The following NOL9 variants were observed in gnomAD, a reference collection of about 807,000 sequenced individuals.
NOL9 encodes the protein polynucleotide 5'-hydroxyl-kinase NOL9.
Under a neutral mutation model 67.9 loss-of-function variants are expected in NOL9, and 28 were observed. The observed-to-expected ratio is 0.41, with a 90% CI of 0.31 to 0.57. The LOEUF (loss-of-function observed/expected upper bound fraction) is 0.57, where lower values mean the gene tolerates loss of function less well. Ranked by LOEUF, NOL9 falls within the 20% of genes least tolerant of loss-of-function variation. The probability of loss-of-function intolerance (pLI) is 0.25; values close to 1 mark genes in which losing one functional copy is unlikely to be tolerated. For synonymous variants in NOL9, 356 were observed against 352.2 expected, an observed-to-expected ratio of 1.01 and a Z score of -0.12; for missense variants, 777 against 897.0, an observed-to-expected ratio of 0.87 and a Z score of 1.71.
At chr1:6,553,769 G>A (rs1267864294) in intron 1 of NOL9, among the ~76,000 whole-genome samples, 2 of 152,154 alleles carry the variant, frequency 1.3e-5, no homozygotes, top group Non-Finnish European at 1.5e-5. Flanking sequence ...TTCAACCCGG[G>A]ATGCGGAGGT....
chr1:6,553,955 C>A (rs539397277), intron 1 of NOL9, 152 bp downstream of exon 1: 1 of 607,170 alleles, frequency 1.6e-6, no homozygotes, highest in Non-Finnish European at 2.7e-6. Context: ...AGCCTAGTTG[C>A]CACCAACCAT....
chr1:6,522,883 C>CAAAAAAAAAA lies in NOL9; in HGVS notation c.*2961_*2970dup. 1.2e-5 allele frequency: 1 copy of CAAAAAAAAAA among 82,552 alleles called. No homozygotes were observed. The highest frequency in any genetic ancestry group is 2.1e-5 in the Non-Finnish European group (1 of 47,994). 5.1% of individuals were successfully genotyped at this position (82,552 alleles called of 1,614,324 possible). ...TGGGCGACAGAGCTAGACTCTGTCT[C>CAAAAAAAAAA]AAAAAAAAAAAAAAAAAAGAAATTG... On this transcript the variant is annotated 3_prime_UTR_variant, in exon 12 of 12. Transcript: ENST00000377705.
chr1:6,542,593 G>T (rs1399459397), intron 5 of NOL9, among the ~76,000 whole-genome samples: 1 of 151,844 alleles, frequency 6.6e-6, no homozygotes, highest in Non-Finnish European at 1.5e-5. Flanking sequence ...AAGTAGCTGG[G>T]ATTACAGGCA....
chr1:6,554,280 C>T lies in NOL9; in HGVS notation c.223G>A (p.Ala75Thr). 1 of 1,473,090 alleles carries T rather than the reference C, an allele frequency of 6.8e-7. No homozygotes were observed. Among genetic ancestry groups the T allele is most frequent in the South Asian group, 1.3e-5 (1 of 74,178 alleles). The allele number at this position is 1,473,090 out of a possible 1,614,324, so 91.3% of individuals were successfully genotyped here. ...GARQVSRAAA[A>T]RRPNTATPSP... Reference sequence around the variant, plus strand: ...GGGGTCGCGGTGTTGGGTCTCCGGGCCGCCGCCGCGCGCGACACCTGGCGG... The same window carrying T: ...GGGGTCGCGGTGTTGGGTCTCCGGGTCGCCGCCGCGCGCGACACCTGGCGG... The change falls in exon 1 of 12, where the codon GCC becomes ACC. Residue 75 changes from alanine to threonine, a missense_variant. By Grantham distance (58) the Ala-to-Thr change is moderately conservative. Around this residue, in one of 2 missense-constraint regions of NOL9, gnomAD observed 364 missense variants for 344.4 expected, o/e 1.06. Coordinates refer to ENST00000377705, the MANE Select transcript of NOL9 (RefSeq NM_024654.5).
At chr1:6,549,501 T>G (rs1488611803) in intron 3 of NOL9, 70 bp downstream of exon 3, 1 of 1,559,488 alleles carries the variant, frequency 6.4e-7, no homozygotes, top group Non-Finnish European at 8.7e-7. Context: ...GACAACATCC[T>G]ACATAGTCAT....
Position 6,525,555 on chromosome 1 carries a change from T to G in NOL9, c.*299A>C, listed in dbSNP as rs1309958647. ...TTTTATCCTGATTCTAATAACCAGG[T>G]CCCTGAAGAACTTTCTGAGGAATCT... is the stretch of plus-strand genomic sequence containing the variant. On this transcript the variant is annotated 3_prime_UTR_variant, in exon 12 of 12. Coordinates refer to ENST00000377705, the MANE Select transcript of NOL9 (RefSeq NM_024654.5). The G allele has an allele frequency of 3.0e-6, 1 of 336,240 alleles. No individual in the cohort carries two copies. Among genetic ancestry groups the G allele is most frequent in the Non-Finnish European group, 5.4e-6 (1 of 183,868 alleles). The allele number at this position is 336,240 out of a possible 1,614,324, so 20.8% of individuals were successfully genotyped here. A position where few individuals can be genotyped will look rare whatever the true frequency, so the allele number is the denominator to read the frequency against.
chr1:6,539,874 G>A (rs1048940493), intron 6 of NOL9, among the ~76,000 whole-genome samples: 3 of 152,216 alleles, frequency 2.0e-5, no homozygotes, highest in African/African-American at 7.2e-5. Flanking sequence ...TAAGTATTGT[G>A]TGACTCCACT....
chr1:6,543,384 A>G (rs1639344125), intron 5 of NOL9, among the ~76,000 whole-genome samples: 1 of 151,916 alleles, frequency 6.6e-6, no homozygotes, highest in South Asian at 2.1e-4. Flanking sequence ...TTTAGTAGAG[A>G]CGGGGTTTCC....
At chr1:6,548,467 G>T in intron 3 of NOL9, 2 of 232,878 alleles carry the variant, frequency 8.6e-6, no homozygotes, top group South Asian at 1.3e-4. Flanking sequence ...GTTCTTAAGA[G>T]ATTGTCCAAA....
chr1:6,529,440 T>G (rs2148650176), intron 9 of NOL9, among the ~76,000 whole-genome samples: 1 of 151,698 alleles, frequency 6.6e-6, no homozygotes, highest in East Asian at 1.9e-4. Flanking sequence ...AACACAAAAT[T>G]AGCCAGGCAT....
intron 3 of NOL9, 130 bp downstream of exon 3, chr1:6,549,441 A>G (rs1165116522): frequency 3.0e-6 from 3 of 1,002,148 alleles, no homozygotes; most frequent in African/African-American, 3.2e-5. Context: ...GTATACACGT[A>G]TTACATTCTG....
chr1:6,526,730 G>C lies in NOL9; in HGVS notation c.1925C>G (p.Ala642Gly), dbSNP rs754265882. Residue 642 changes from alanine (A) to glycine (G), a missense_variant, in exon 11 of 12, where the codon GCT becomes GGT. Transcript: ENST00000377705. ...AAGGACACAATGTGGAATGGCAATA[G>C]CTCCAACGAGCAGACAATTCACGGT... ...LRTVNCLLVG[A>G]IAIPHCVLKC... 1.1e-5 allele frequency: 18 copies of C among 1,613,846 alleles called. No homozygotes were observed. Among genetic ancestry groups the C allele is most frequent in the Non-Finnish European group, 1.5e-5 (18 of 1,179,858 alleles).
At chr1:6,542,103 C>T (rs1398875351) in intron 5 of NOL9, among the ~76,000 whole-genome samples, 176 bp from the exon 6 acceptor site, 2 of 151,382 alleles carry the variant, frequency 1.3e-5, no homozygotes, top group South Asian at 2.1e-4. Context: ...TCCAGAGAAA[C>T]GCAGTGCAGG....
chr1:6,535,299 C>T (rs1394854923), intron 6 of NOL9, among the ~76,000 whole-genome samples: 1 of 152,194 alleles, frequency 6.6e-6, no homozygotes, highest in Non-Finnish European at 1.5e-5. Context: ...CAATCTCTCT[C>T]CATGAAAAGG....
intron 3 of NOL9, chr1:6,548,183 T>C (rs1639462548): frequency 1.3e-5 from 2 of 153,104 alleles, no homozygotes; most frequent in Non-Finnish European, 1.4e-5. Flanking sequence ...TCTCACTCTG[T>C]CTCCCAGGCT....
At chr1:6,534,004 C>A (rs1235243068) in intron 6 of NOL9, among the ~76,000 whole-genome samples, 1 of 152,102 alleles carries the variant, frequency 6.6e-6, no homozygotes, top group African/African-American at 2.4e-5. Flanking sequence ...TCTCCTGCCT[C>A]AGCCTCTCAA....
intron 5 of NOL9, among the ~76,000 whole-genome samples, chr1:6,544,537 A>ACGCATGCACG (rs1557791457): frequency 7.2e-5 from 10 of 139,162 alleles, no homozygotes; most frequent in Admixed American, 1.5e-4. Flanking sequence ...ACGCACGCAC[A>ACGCATGCACG]CACGCACCCC....
intron 6 of NOL9, 116 bp from the exon 7 acceptor site, chr1:6,533,557 TC>T (rs1445851647): frequency 9.2e-5 from 64 of 698,382 alleles, no homozygotes; most frequent in Admixed American, 4.3e-4. Context: ...CCTTAGGAAA[TC>T]TGAGACCATC....
At chr1:6,552,447 A>G (rs1639563629) in intron 1 of NOL9, among the ~76,000 whole-genome samples, 1 of 152,056 alleles carries the variant, frequency 6.6e-6, no homozygotes, top group Admixed American at 6.5e-5. Flanking sequence ...AAATTTTTTA[A>G]TTTTATTTAA....
Sources: gnomAD v4.1 joint callset for allele counts (sites outside exome capture counted in the v4.1 genomes callset) on GRCh38, gnomAD v4.1.1 for gene constraint, gnomAD v4.1.1 regional missense constraint, MANE v1.5 for transcripts, NCBI Gene and HGNC (gene_info 2026-07-23, HGNC 2026-07-21) for gene names.